Variants in LRRC57 observed in about 807,000 individuals in gnomAD.
LRRC57 encodes leucine rich repeat containing 57.
Under a neutral mutation model 23.1 loss-of-function variants are expected in LRRC57, and 14 were observed. That is an observed-to-expected ratio of 0.61 (90% confidence interval 0.40 to 0.95). LRRC57 has a LOEUF of 0.95. Ranked by LOEUF, LRRC57 falls within the 40% of genes least tolerant of loss-of-function variation. The pLI, the probability that LRRC57 is intolerant of heterozygous loss-of-function variation, is 0.00. For missense variants in LRRC57, 236 were observed against 284.4 expected (o/e 0.83, Z 1.22); for synonymous variants, 106 against 115.2 (o/e 0.92, Z 0.51).
chr15:42,547,511 A>G lies in LRRC57; in HGVS notation c.242T>C (p.Ile81Thr). ...NNKLTVLPDE[I>T]CNLKKLETLS... ...CGTCTCTAGTTTTTTCAGATTGCAT[A>G]TCTCATCAGGCAGAACAGCTGGCAA... Residue 81 changes from isoleucine (I) to threonine (T), a missense_variant, in exon 4 of 6, where the codon ATA (isoleucine) becomes ACA (threonine). Physicochemically the swap from Ile to Thr is moderately conservative, Grantham distance 89 (BLOSUM62 -1). Transcript: ENST00000397130. 1 of 1,612,024 alleles carries G rather than the reference A, an allele frequency of 6.2e-7. No individual in the cohort carries two copies. Among genetic ancestry groups the G allele is most frequent in the African/African-American group, 1.3e-5 (1 of 74,972 alleles).
the LRRC57 span, chr15:42,532,201 C>T: frequency 6.6e-6 from 1 of 152,114 alleles, no homozygotes; most frequent in East Asian, 1.9e-4. Context: ...AAGCAATTCT[C>T]CTGCCTTGCC....
Position 42,547,317 on chromosome 15 carries a change from T to C in LRRC57, c.436A>G (p.Ile146Val). The C allele has an allele frequency of 6.2e-7, 1 of 1,614,214 alleles. No homozygotes were observed. The highest frequency in any genetic ancestry group is 1.3e-5 in the African/African-American group (1 of 75,054). Residue 146 changes from isoleucine to valine, a missense_variant, in exon 4 of 6, where the codon ATA becomes GTA. Coordinates refer to ENST00000397130, the MANE Select transcript of LRRC57 (RefSeq NM_153260.3). ...TGCAGCTCTCCCACTGAGTCAGGTA[T>C]ACTTCGAATCTGGTTCTTAGAGAGA... ...MDLSKNQIRS[I>V]PDSVGELQVI...
chr15:42,548,399 CGTTTCCACATGAGCGCGGAGCGCACT>C lies in LRRC57; in HGVS notation c.10_35del (p.Ser4GlyfsTer10). ...GCTGAAAGACACCAGTTTTCTGCGCCGTTTCCACATGAGCGCGGAGCGCACTGTTTCCCATCCTAGCGCCGCGGCTC... is the reference window on the plus strand; with the variant it reads ...GCTGAAAGACACCAGTTTTCTGCGCCGTTTCCCATCCTAGCGCCGCGGCTC... On this transcript the variant is annotated frameshift_variant, in exon 2 of 6. Transcript: ENST00000397130. LOFTEE classifies it high-confidence loss of function. 6.2e-7 allele frequency: 1 copy of C among 1,614,186 alleles called. No homozygotes were observed. The highest frequency in any genetic ancestry group is 8.5e-7 in the Non-Finnish European group (1 of 1,180,056).
At chr15:42,536,369 G>T (rs2057600739), downstream of LRRC57, among the ~76,000 whole-genome samples, 1 of 152,178 alleles carries the variant, frequency 6.6e-6, no homozygotes, top group Non-Finnish European at 1.5e-5. Flanking sequence ...GCATAGAGTG[G>T]TAACACAGGT....
At chr15:42,534,722 A>T (rs1445491452), downstream of LRRC57, among the ~76,000 whole-genome samples, 1 of 152,232 alleles carries the variant, frequency 6.6e-6, no homozygotes, top group African/African-American at 2.4e-5. Context: ...ACAACACAAC[A>T]TTAATCTTGT....
intron 5 of LRRC57, among the ~76,000 whole-genome samples, chr15:42,544,359 TTCA>T (rs2057645825): frequency 6.7e-6 from 1 of 148,548 alleles, no homozygotes; most frequent in Admixed American, 6.7e-5. Context: ...GCCTAGGAGT[TTCA>T]GACCAGCCTG....
rs1035166663 is a variant in LRRC57 at position 42,541,746 on chromosome 15, T to C, written c.*2337A>G. The C allele has an allele frequency of 1.3e-5, 2 of 152,130 alleles. No individual in the cohort carries two copies. Among genetic ancestry groups the C allele is most frequent in the East Asian group, 3.9e-4 (2 of 5,160 alleles). 9.4% of individuals were successfully genotyped at this position (152,130 alleles called of 1,614,324 possible). ...AGTGGTAGTCTGAAATCCTCTACCTTTGTACCTTCAGATTCTTTTTTTTTT... is the reference window on the plus strand; with the variant it reads ...AGTGGTAGTCTGAAATCCTCTACCTCTGTACCTTCAGATTCTTTTTTTTTT... On this transcript the variant is annotated 3_prime_UTR_variant, in exon 6 of 6. Coordinates refer to ENST00000397130, the MANE Select transcript of LRRC57 (RefSeq NM_153260.3).
At chr15:42,530,871 C>T in the LRRC57 span, among the ~76,000 whole-genome samples, 5 of 152,200 alleles carry the variant, frequency 3.3e-5, no homozygotes, top group Non-Finnish European at 5.9e-5. Context: ...CAGTGGTTCA[C>T]AAGATGCTTT....
At chr15:42,537,500 A>G (rs778739533), downstream of LRRC57, among the ~76,000 whole-genome samples, 1 of 152,148 alleles carries the variant, frequency 6.6e-6, no homozygotes, top group African/African-American at 2.4e-5. Context: ...GAAAACTAAA[A>G]ATGGAATTAC....
At position 42,540,598 on chromosome 15, in the gene LRRC57, G is replaced by A. The variant is rs992653673; in HGVS notation, c.*3485C>T. On this transcript the variant is annotated 3_prime_UTR_variant, in exon 6 of 6. Transcript: ENST00000397130. ...GGTTTAGAGAGAATAATCTGATATG[G>A]GTGGGCAGGCAAATGAGAGTGAAGA... The A allele has an allele frequency of 1.3e-5, 2 of 152,176 alleles. No individual in the cohort carries two copies. The highest frequency in any genetic ancestry group is 4.8e-5 in the African/African-American group (2 of 41,422). The allele number at this position is 152,176 out of a possible 1,614,324, so 9.4% of individuals were successfully genotyped here.
At chr15:42,529,849 G>A in the LRRC57 span, 5 of 1,607,826 alleles carry the variant, frequency 3.1e-6, no homozygotes. Context: ...ACAAGAAAAT[G>A]AGACACCCAG....
chr15:42,530,199 A>G, the LRRC57 span, among the ~76,000 whole-genome samples: 2 of 152,162 alleles, frequency 1.3e-5, no homozygotes, highest in Non-Finnish European at 1.5e-5. Flanking sequence ...ATCACAGCTC[A>G]CTGCAGCCTG....
At chr15:42,534,115 A>G (rs113414154), downstream of LRRC57, among the ~76,000 whole-genome samples, 550 of 152,116 alleles carry the variant, frequency 3.6e-3, 2 homozygotes, top group South Asian at 6.2e-3. Context: ...CCTCTACTGA[A>G]GTCTCTTTTT....
At chr15:42,536,810 TACTTC>T (rs1346573463), downstream of LRRC57, among the ~76,000 whole-genome samples, 1 of 152,220 alleles carries the variant, frequency 6.6e-6, no homozygotes, top group African/African-American at 2.4e-5. Context: ...TTCATTCATT[TACTTC>T]TAGTTGTGTG....
At chr15:42,532,602 G>A in the LRRC57 span, 1 of 152,524 alleles carries the variant, frequency 6.6e-6, no homozygotes, top group Admixed American at 6.5e-5. Flanking sequence ...ATATATATGT[G>A]TAACATGAGA....
chr15:42,544,300 C>T (rs542008480), intron 5 of LRRC57, among the ~76,000 whole-genome samples, 176 bp from the exon 6 acceptor site: 3 of 152,092 alleles, frequency 2.0e-5, no homozygotes, highest in East Asian at 1.9e-4. Flanking sequence ...CAGAGGCTCA[C>T]ACTTGCAATC....
chr15:42,544,858 A>ATATATATATATATATATATATATATATC (rs1173358007), intron 5 of LRRC57, among the ~76,000 whole-genome samples: 2 of 148,884 alleles, frequency 1.3e-5, no homozygotes, highest in African/African-American at 2.6e-5. Context: ...ATATATATAT[A>ATATATATATATATATATATATATATATC]TCAAAAGACA....
At position 42,542,894 on chromosome 15, in the gene LRRC57, G is replaced by C. The variant is rs2057637677; in HGVS notation, c.*1189C>G. On this transcript the variant is annotated 3_prime_UTR_variant, in exon 6 of 6. Transcript: ENST00000397130. ...CTTTTTTTTTGTTTCCCCCGAGACA[G>C]AGTCTTGCTCTGTTGCCCAGAGTCG... is the stretch of plus-strand genomic sequence containing the variant. 1 of 152,484 alleles carries C rather than the reference G, an allele frequency of 6.6e-6. No homozygotes were observed. Among genetic ancestry groups the C allele is most frequent in the African/African-American group, 2.4e-5 (1 of 41,400 alleles). 9.4% of individuals were successfully genotyped at this position (152,484 alleles called of 1,614,324 possible). A position where few individuals can be genotyped will look rare whatever the true frequency, so the allele number is the denominator to read the frequency against.
chr15:42,534,180 G>T (rs1206293216), downstream of LRRC57, among the ~76,000 whole-genome samples: 3 of 152,190 alleles, frequency 2.0e-5, no homozygotes, highest in African/African-American at 7.2e-5. Context: ...ATCCAGGCTG[G>T]AGTGCAGTGG....
Sources: allele counts gnomAD v4.1 joint callset (sites outside exome capture counted in the v4.1 genomes callset), GRCh38; gene constraint gnomAD v4.1.1; transcripts MANE v1.5; gene names NCBI Gene and HGNC (gene_info 2026-07-23, HGNC 2026-07-21).